Variants in POU6F1 observed in about 807,000 individuals in gnomAD.
The protein encoded by POU6F1 is POU domain, class 6, transcription factor 1.
POU6F1 carries 9 observed loss-of-function variants against 28.9 expected under a neutral mutation model. The ratio of observed to expected loss-of-function variants is 0.31; its 90% CI spans 0.19 to 0.54. The LOEUF is 0.54. Among genes scored for constraint, POU6F1 ranks in the 20% least tolerant of loss-of-function variants. The pLI is 0.94. For missense variants in POU6F1, 338 were observed against 426.1 expected, an observed-to-expected ratio of 0.79 and a Z score of 1.82; for synonymous variants, 173 against 171.1, an observed-to-expected ratio of 1.01 and a Z score of -0.09.
At chr12:51,200,264 T>C (rs1307995978) in intron 3 of POU6F1, among the ~76,000 whole-genome samples, 1 of 152,198 alleles carries the variant, frequency 6.6e-6, no homozygotes, top group Non-Finnish European at 1.5e-5. Context: ...CGGCTGTCCT[T>C]GGTTCATCCT....
chr12:51,210,343 G>A (rs1943909145), intron 1 of POU6F1, among the ~76,000 whole-genome samples: 1 of 152,186 alleles, frequency 6.6e-6, no homozygotes, highest in African/African-American at 2.4e-5. Context: ...TGAAATGAAA[G>A]CTGCACAAGG....
At chr12:51,204,896 C>T (rs554592914) in intron 2 of POU6F1, among the ~76,000 whole-genome samples, 29 of 152,254 alleles carry the variant, frequency 1.9e-4, no homozygotes, top group African/African-American at 6.7e-4. Flanking sequence ...TAACTTCTAT[C>T]GCCCATGATT....
intron 1 of POU6F1, among the ~76,000 whole-genome samples, chr12:51,212,817 A>G (rs955331461): frequency 1.3e-5 from 2 of 151,094 alleles, no homozygotes; most frequent in Non-Finnish European, 3.0e-5. Context: ...CTATAGTCCA[A>G]TATGGGAGTC....
At chr12:51,200,648 GA>G (rs1286401873) in intron 3 of POU6F1, among the ~76,000 whole-genome samples, 1 of 152,142 alleles carries the variant, frequency 6.6e-6, no homozygotes, top group African/African-American at 2.4e-5. Flanking sequence ...CCTAGGAGTT[GA>G]GTGATGGATA....
chr12:51,197,787 C>T lies in POU6F1; in HGVS notation c.829G>A (p.Ala277Thr), dbSNP rs1298744785. 2.5e-5 allele frequency: 10 copies of T among 399,620 alleles called. No homozygotes were observed. Among genetic ancestry groups the T allele is most frequent in the East Asian group, 1.1e-4 (3 of 28,062 alleles). 24.8% of individuals were successfully genotyped at this position (399,620 alleles called of 1,614,324 possible). ...PQITVQPAGF[A>T]FSPGIISAAS... The stretch of plus-strand genomic sequence containing the variant: ...CAGCTTACGATTCCTGGGCTAAATG[C>T]GAAGCCTGCAGGCTGGACGGTGATC... Residue 277 changes from alanine (A) to threonine (T), a missense_variant, in exon 6 of 11, where the codon GCA (alanine) becomes ACA (threonine). By Grantham distance (58) the Ala-to-Thr change is moderately conservative. Coordinates refer to ENST00000333640, the MANE Select transcript of POU6F1 (RefSeq NM_001330422.2).
At position 51,192,464 on chromosome 12, in the gene POU6F1, G is replaced by A; in HGVS notation, c.1187C>T (p.Pro396Leu). ...GGGCACGGTTGGTGTGGGCTGGATG[G>A]GCTGCACCTGTGAAAGGACAGACAA... ...PESPAKSEVQ[P>L]IQPTPTVPQP... The change falls in exon 9 of 11, where the codon CCC (proline) becomes CTC (leucine). Residue 396 changes from proline to leucine, a missense_variant. Pro to Leu is a moderately conservative substitution (Grantham distance 98). Coordinates refer to ENST00000333640, the MANE Select transcript of POU6F1 (RefSeq NM_001330422.2). 6.2e-7 allele frequency: 1 copy of A among 1,613,026 alleles called. No homozygotes were observed. Among genetic ancestry groups the A allele is most frequent in the Non-Finnish European group, 8.5e-7 (1 of 1,179,938 alleles).
chr12:51,199,783 CTGCGATGCCTGAGGCTGGCTTGGGG>C lies in POU6F1; in HGVS notation c.305_329del (p.Ala102GlyfsTer3). 2.5e-6 allele frequency: 1 copy of C among 399,270 alleles called. No individual in the cohort carries two copies. The highest frequency in any genetic ancestry group is 3.6e-5 in the East Asian group (1 of 28,072). 24.7% of individuals were successfully genotyped at this position (399,270 alleles called of 1,614,324 possible). ...CTTGTACAGCCAGTGGCGTCAGGGTCTGCGATGCCTGAGGCTGGCTTGGGGCTTGGCTGAAGGTGGCAATGGCAGT... is the reference window on the plus strand; with the variant it reads ...CTTGTACAGCCAGTGGCGTCAGGGTCCTTGGCTGAAGGTGGCAATGGCAGT... On this transcript the variant is annotated frameshift_variant, in exon 4 of 11. Transcript: ENST00000333640. LOFTEE classifies it high-confidence loss of function. The surrounding 1 kb of genome is among the most constrained non-coding windows in gnomAD (Gnocchi z 4.1).
intron 6 of POU6F1, 128 bp downstream of exon 6, chr12:51,197,642 C>T (rs1370373052): frequency 1.0e-5 from 4 of 397,570 alleles, no homozygotes; most frequent in South Asian, 1.4e-4. Flanking sequence ...GAGCCCATCT[C>T]TGCTGATGTG....
At chr12:51,204,871 C>T (rs763333866) in intron 2 of POU6F1, among the ~76,000 whole-genome samples, 2 of 152,082 alleles carry the variant, frequency 1.3e-5, no homozygotes, top group African/African-American at 2.4e-5. Context: ...AAAATGAATG[C>T]TCCACAATGC....
At chr12:51,211,542 A>G (rs1943988440) in intron 1 of POU6F1, among the ~76,000 whole-genome samples, 3 of 152,148 alleles carry the variant, frequency 2.0e-5, no homozygotes, top group Admixed American at 2.0e-4. Flanking sequence ...CAGGAGTTTG[A>G]TATCTTCCTG....
At chr12:51,195,245 C>T (rs537578113) in intron 8 of POU6F1, among the ~76,000 whole-genome samples, 60 of 152,288 alleles carry the variant, frequency 3.9e-4, no homozygotes, top group African/African-American at 1.1e-3. Context: ...AGCGATCCTC[C>T]GCCTTAGCCT....
chr12:51,216,561 G>A lies in POU6F1; in HGVS notation c.-48+1081C>T, dbSNP rs557430231. Among the ~76,000 whole-genome samples the A allele has an allele frequency of 5.9e-5, 9 of 152,278 alleles. No individual in the cohort carries two copies. The South Asian group carries it at 1.9e-3, about 32-fold the overall frequency. ...AAATGAAGTTCTACAGCAGATAAGC[G>A]GAGTACCAGGTCACAGAAGTATCAC... is the stretch of plus-strand genomic sequence containing the variant. On this transcript the variant is annotated intron_variant, in intron 1 of 10. Transcript: ENST00000333640.
Position 51,190,639 on chromosome 12 carries a change from C to A in POU6F1, c.1491-47G>T, listed in dbSNP as rs776157708. 6.3e-7 allele frequency: 1 copy of A among 1,588,082 alleles called. No individual in the cohort carries two copies. Among genetic ancestry groups the A allele is most frequent in the African/African-American group, 1.3e-5 (1 of 74,224 alleles). On this transcript the variant is annotated intron_variant, in intron 10 of 10. Transcript: ENST00000333640. This position sits in a 1 kb window ranked among gnomAD's most constrained non-coding sequence, Gnocchi z 4.5. ...GAAGAGGCAGTGAGAGCATGTTGGT[C>A]TCTTTGGCACACCCCGCACCTAGGT...
chr12:51,203,265 A>T (rs1282421667), intron 3 of POU6F1, among the ~76,000 whole-genome samples: 1 of 152,130 alleles, frequency 6.6e-6, no homozygotes, highest in African/African-American at 2.4e-5. Flanking sequence ...AAGCGAAGTG[A>T]GGGCATGATG....
chr12:51,202,229 T>C (rs1171483967), intron 3 of POU6F1: 1 of 152,220 alleles, frequency 6.6e-6, no homozygotes, highest in East Asian at 1.9e-4. Flanking sequence ...TTAAAGTCAA[T>C]TACTTTTCTT....
At chr12:51,207,692 C>G in intron 1 of POU6F1, 1 of 152,208 alleles carries the variant, frequency 6.6e-6, no homozygotes, top group East Asian at 1.9e-4. Flanking sequence ...CTCAGTCTCA[C>G]TAAATAAATA....
chr12:51,196,011 C>G lies in POU6F1; in HGVS notation c.1138G>C (p.Val380Leu), dbSNP rs1348560643. The change falls in exon 8 of 11, where the codon GTC becomes CTC. Residue 380 changes from valine (V) to leucine (L), a missense_variant. By Grantham distance (32) the Val-to-Leu change is conservative. Coordinates refer to ENST00000333640, the MANE Select transcript of POU6F1 (RefSeq NM_001330422.2). ...ASSPLPPPVAVRKPSTPESPA... is the reference protein window; with the variant it reads ...ASSPLPPPVALRKPSTPESPA... ...GACTCAGGTGTGCTTGGCTTCCGGA[C>G]AGCCACAGGTGGAGGCAGGGGGCTG... 1.3e-6 allele frequency: 2 copies of G among 1,499,090 alleles called. No individual in the cohort carries two copies. Among genetic ancestry groups the G allele is most frequent in the African/African-American group, 2.9e-5 (2 of 69,404 alleles). The allele number at this position is 1,499,090 out of a possible 1,614,324, so 92.9% of individuals were successfully genotyped here.
Position 51,191,759 on chromosome 12 carries a change from G to T in POU6F1, c.1327C>A (p.His443Asn). ...PTVSQLVSKPHTPSLDEDGIN... is the reference protein window; with the variant it reads ...PTVSQLVSKPNTPSLDEDGIN... Reference sequence around the variant, plus strand: ...CCATCCTCATCCAGACTTGGAGTATGTGGCTCTAGGCCAGAGGGAGGGAGC... The same window carrying T: ...CCATCCTCATCCAGACTTGGAGTATTTGGCTCTAGGCCAGAGGGAGGGAGC... The change falls in exon 10 of 11, where the codon CAT becomes AAT. Residue 443 changes from histidine (H) to asparagine (N), a missense_variant. Coordinates refer to ENST00000333640, the MANE Select transcript of POU6F1 (RefSeq NM_001330422.2). 1.9e-6 allele frequency: 3 copies of T among 1,614,212 alleles called. No individual in the cohort carries two copies. The highest frequency in any genetic ancestry group is 2.5e-6 in the Non-Finnish European group (3 of 1,180,026).
At position 51,191,610 on chromosome 12, in the gene POU6F1, C is replaced by G; in HGVS notation, c.1476G>C (p.Gln492His). 6.2e-7 allele frequency: 1 copy of G among 1,613,254 alleles called. No homozygotes were observed. Among genetic ancestry groups the G allele is most frequent in the Non-Finnish European group, 8.5e-7 (1 of 1,179,922 alleles). Residue 492 changes from glutamine to histidine, a missense_variant, in exon 10 of 11, where the codon CAG (glutamine) becomes CAC (histidine). Transcript: ENST00000333640. ...GCCTTACTCACCGGCAGATGGCTGA[C>G]TGGCTGTAGGCTGGACCTTCCGTTG... ...LTATEGPAYSQSAICRFEKLD... is the reference protein window; with the variant it reads ...LTATEGPAYSHSAICRFEKLD...
Sources: gnomAD v4.1 joint callset for allele counts (sites outside exome capture counted in the v4.1 genomes callset) on GRCh38, gnomAD v4.1.1 for gene constraint, Gnocchi (gnomAD v3.1) non-coding constraint, MANE v1.5 for transcripts, NCBI Gene and HGNC (gene_info 2026-07-23, HGNC 2026-07-21) for gene names.